PSAT1: variants seen among roughly 807,000 people sequenced by gnomAD.
PSAT1 encodes phosphoserine aminotransferase 1.
Under a neutral mutation model 40.3 loss-of-function variants are expected in PSAT1, and 41 were observed. That is an observed-to-expected ratio of 1.02 (90% CI 0.79 to 1.32). The LOEUF is 1.32. Among genes scored for constraint, PSAT1 ranks in the 40% most tolerant of loss-of-function variants. The probability of loss-of-function intolerance (pLI) is 0.00; values close to 1 mark genes in which losing one functional copy is unlikely to be tolerated. For missense variants in PSAT1, 406 were observed against 455.8 expected (o/e 0.89, Z 0.99); for synonymous variants, 147 against 170.5 (o/e 0.86, Z 1.07).
At chr9:78,302,589 C>T (rs1050607888) in intron 3 of PSAT1, among the ~76,000 whole-genome samples, 1 of 152,040 alleles carries the variant, frequency 6.6e-6, no homozygotes, top group Admixed American at 6.6e-5. Context: ...AAAAAATTAG[C>T]TGGGCATGGT....
At chr9:78,306,881 A>G (rs953307260) in intron 5 of PSAT1, among the ~76,000 whole-genome samples, 11 of 152,212 alleles carry the variant, frequency 7.2e-5, no homozygotes, top group African/African-American at 2.4e-4. Flanking sequence ...AAGCATCAAC[A>G]GGATACCGTT....
chr9:78,315,775 A>G (rs1828334659), intron 6 of PSAT1, among the ~76,000 whole-genome samples: 2 of 152,208 alleles, frequency 1.3e-5, no homozygotes, highest in African/African-American at 4.8e-5. Context: ...GAGACAGTGA[A>G]TGAGCCAGTT....
chr9:78,306,515 A>G (rs973379727), intron 5 of PSAT1, 29 bp downstream of exon 5: 10 of 1,613,734 alleles, frequency 6.2e-6, no homozygotes, highest in African/African-American at 1.3e-5. Context: ...GGTGAGGGGA[A>G]CCCACTGACT....
intron 6 of PSAT1, among the ~76,000 whole-genome samples, 190 bp downstream of exon 6, chr9:78,308,773 T>A (rs1828223748): frequency 6.6e-6 from 1 of 152,144 alleles, no homozygotes; most frequent in Admixed American, 6.5e-5. Context: ...CTGACCAACA[T>A]GGTGAAACCC....
At chr9:78,319,248 C>T (rs570015802) in intron 7 of PSAT1, among the ~76,000 whole-genome samples, 48 of 152,326 alleles carry the variant, frequency 3.2e-4, no homozygotes, top group African/African-American at 1.1e-3. Context: ...CACCCATGGG[C>T]GGGCAGTGCT....
Position 78,317,802 on chromosome 9 carries a change from C to G in PSAT1, c.867C>G (p.Tyr289Ter). 6.2e-7 allele frequency: 1 copy of G among 1,612,232 alleles called. No individual in the cohort carries two copies. Among genetic ancestry groups the G allele is most frequent in the Non-Finnish European group, 8.5e-7 (1 of 1,179,634 alleles). ...YEIIDNSQGF[Y>*]VCPVEPQNRS... is the part of the protein sequence containing the mutation. ...TTATTGATAATTCTCAAGGATTCTA[C>G]GTGTAAGTCAATGGATTTTATCTCC... is the stretch of plus-strand genomic sequence containing the variant. The change falls in exon 7 of 9, where the codon TAC becomes TAG. Residue 289 changes from tyrosine to a stop codon, truncating the protein, a stop_gained and splice_region_variant. Transcript: ENST00000376588. LOFTEE classifies it high-confidence loss of function.
intron 5 of PSAT1, among the ~76,000 whole-genome samples, chr9:78,307,796 C>G (rs1209509642): frequency 3.9e-5 from 6 of 152,122 alleles, no homozygotes. Context: ...AATCCCAGCA[C>G]TTTGGGAGGC....
intron 4 of PSAT1, among the ~76,000 whole-genome samples, chr9:78,305,555 C>T (rs982099128): frequency 1.3e-5 from 2 of 152,146 alleles, no homozygotes; most frequent in African/African-American, 4.8e-5. Flanking sequence ...CCTGGTGGCT[C>T]CACAGGCAGA....
chr9:78,320,363 C>A (rs1248703891), intron 7 of PSAT1, among the ~76,000 whole-genome samples: 1 of 130,864 alleles, frequency 7.6e-6, no homozygotes, highest in South Asian at 2.4e-4. Context: ...CATCCATCTG[C>A]CCACCCATCC....
At chr9:78,325,841 A>T (rs752649369) in intron 7 of PSAT1, among the ~76,000 whole-genome samples, 25 of 152,102 alleles carry the variant, frequency 1.6e-4, no homozygotes, top group Admixed American at 1.4e-3. Context: ...TTGCTTTGTG[A>T]TATCTTCTAC....
intron 6 of PSAT1, among the ~76,000 whole-genome samples, chr9:78,312,777 G>T (rs972880870): frequency 2.6e-5 from 4 of 152,196 alleles, no homozygotes; most frequent in Non-Finnish European, 4.4e-5. Flanking sequence ...AGGCTTCACT[G>T]GTCCCAGACT....
chr9:78,327,926 T>G, intron 7 of PSAT1, 125 bp from the exon 8 acceptor site: 1 of 1,074,604 alleles, frequency 9.3e-7, no homozygotes, highest in Non-Finnish European at 1.4e-6. Context: ...GATTTTTTGT[T>G]TTTTGTTTTT....
At chr9:78,317,631 T>C (rs376147508) in intron 6 of PSAT1, 45 bp from the exon 7 acceptor site, 2 of 1,611,338 alleles carry the variant, frequency 1.2e-6, no homozygotes. Context: ...AGTTCTACTT[T>C]TGCAAAGATG....
At chr9:78,326,955 A>ATATATGTTTTTTTTTTT in intron 7 of PSAT1, among the ~76,000 whole-genome samples, 1 of 75,964 alleles carries the variant, frequency 1.3e-5, no homozygotes, top group East Asian at 4.2e-4. Context: ...ATATATATAT[A>ATATATGTTTTTTTTTTT]TTTTTTTTTT....
At chr9:78,310,874 T>C (rs1411365484) in intron 6 of PSAT1, among the ~76,000 whole-genome samples, 2 of 152,064 alleles carry the variant, frequency 1.3e-5, no homozygotes, top group Admixed American at 1.3e-4. Flanking sequence ...TCCCAGAGTG[T>C]TGGGATTACA....
chr9:78,297,601 C>T (rs1028138590), intron 1 of PSAT1, among the ~76,000 whole-genome samples: 1 of 152,234 alleles, frequency 6.6e-6, no homozygotes, highest in Non-Finnish European at 1.5e-5. Flanking sequence ...ATCTCCTGGG[C>T]CGGTCCGGGG....
At chr9:78,327,130 ATT>A (rs34879641) in intron 7 of PSAT1, among the ~76,000 whole-genome samples, 1 of 141,780 alleles carries the variant, frequency 7.1e-6, no homozygotes, top group African/African-American at 2.6e-5. Flanking sequence ...TAATTTTTGT[ATT>A]TTTTTTTTTC....
intron 7 of PSAT1, among the ~76,000 whole-genome samples, chr9:78,321,933 A>C (rs1365498337): frequency 6.6e-6 from 1 of 152,172 alleles, no homozygotes; most frequent in Admixed American, 6.5e-5. Flanking sequence ...ATAAGGATTG[A>C]GAGCATTTTT....
At chr9:78,311,821 G>A (rs186720700) in intron 6 of PSAT1, among the ~76,000 whole-genome samples, 1 of 139,314 alleles carries the variant, frequency 7.2e-6, no homozygotes. Flanking sequence ...GACAGAGTGA[G>A]ACTGTCTGAA....
Sources: gnomAD v4.1 joint callset for allele counts (sites outside exome capture counted in the v4.1 genomes callset) on GRCh38, gnomAD v4.1.1 for gene constraint, MANE v1.5 for transcripts, NCBI Gene and HGNC (gene_info 2026-07-23, HGNC 2026-07-21) for gene names.